The following PDZD2 variants were observed in gnomAD, a reference collection of about 807,000 sequenced individuals.
PDZD2 encodes the protein PDZ domain-containing protein 2.
Under a neutral mutation model 220.7 loss-of-function variants are expected in PDZD2, and 90 were observed. The observed-to-expected ratio is 0.41, with a 90% CI of 0.34 to 0.49. The LOEUF (loss-of-function observed/expected upper bound fraction) is 0.49, where lower values mean the gene tolerates loss of function less well. Ranked by LOEUF, PDZD2 falls within the 20% of genes least tolerant of loss-of-function variation. PDZD2 has a pLI of 0.28. For synonymous variants in PDZD2, 1,375 were observed against 1,450.5 expected (o/e 0.95, Z 1.18); for missense variants, 3,174 against 3,608.5 (o/e 0.88, Z 3.08).
At chr5:31,779,696 CAAA>C (rs1752948469) in intron 1 of PDZD2, among the ~76,000 whole-genome samples, 1 of 152,034 alleles carries the variant, frequency 6.6e-6, no homozygotes, top group South Asian at 2.1e-4. Context: ...CTCTTGAAGC[CAAA>C]AACAGAACCT....
chr5:31,787,847 TC>T (rs1481212588), intron 1 of PDZD2: 16 of 152,184 alleles, frequency 1.1e-4, no homozygotes, highest in African/African-American at 3.9e-4. Context: ...CATCCTATGC[TC>T]CCAAGTGCAC....
chr5:32,061,982 G>A (rs959680618), intron 14 of PDZD2, among the ~76,000 whole-genome samples: 3 of 152,096 alleles, frequency 2.0e-5, no homozygotes, highest in African/African-American at 7.2e-5. Flanking sequence ...GTGTTGCCCA[G>A]GCTATTCTCA....
intron 7 of PDZD2, among the ~76,000 whole-genome samples, chr5:32,041,984 G>A (rs1000821846): frequency 6.7e-6 from 1 of 149,692 alleles, no homozygotes; most frequent in Non-Finnish European, 1.5e-5. Flanking sequence ...GGGAGGCCGA[G>A]GTGGGCGGCT....
At chr5:32,024,703 A>AAAAAAAAAAGAAAG (rs1561378496) in intron 6 of PDZD2, among the ~76,000 whole-genome samples, 1 of 140,236 alleles carries the variant, frequency 7.1e-6, no homozygotes. Context: ...AGAAAGAAAA[A>AAAAAAAAAAGAAAG]AAAGAAAAGG....
chr5:31,683,379 C>T (rs1462900420), intron 1 of PDZD2, among the ~76,000 whole-genome samples: 1 of 152,016 alleles, frequency 6.6e-6, no homozygotes, highest in Admixed American at 6.6e-5. Context: ...TAAAAAAATA[C>T]ATTCCAAGAA....
intron 2 of PDZD2, chr5:31,847,730 A>G: frequency 6.7e-6 from 4 of 598,646 alleles, no homozygotes; most frequent in Admixed American, 5.5e-5. Context: ...ACTACCACTG[A>G]CAATACAGTT....
intron 2 of PDZD2, among the ~76,000 whole-genome samples, chr5:31,952,799 C>T (rs1394834850): frequency 6.6e-6 from 1 of 152,108 alleles, no homozygotes; most frequent in African/African-American, 2.4e-5. Context: ...GTGGCTCATG[C>T]CTGTAATCCC....
chr5:31,857,919 C>G (rs1277035365), intron 2 of PDZD2, among the ~76,000 whole-genome samples: 1 of 152,126 alleles, frequency 6.6e-6, no homozygotes. Flanking sequence ...CCCTGTCTCC[C>G]GGGTTCAAGT....
In PDZD2 at chr5:32,088,671, C is replaced by T. The variant is rs74814525; in HGVS notation, c.5223C>T (p.Asp1741=). The T allele has an allele frequency of 1.8e-5, 29 of 1,613,872 alleles. No individual in the cohort carries two copies. The highest frequency in any genetic ancestry group is 4.0e-5 in the African/African-American group (3 of 75,026). The change falls in exon 20 of 25, where the codon GAC becomes GAT. Residue 1741 remains aspartate, a synonymous_variant. Coordinates refer to ENST00000438447, the MANE Select transcript of PDZD2 (RefSeq NM_178140.4). This position sits in a 1 kb window ranked among gnomAD's most constrained non-coding sequence, Gnocchi z 4.6. Reference sequence around the variant, plus strand: ...GCTTGGAACATGACCTGCTAGATGACGAAACCCTGAATCAATACGAAACAA... The same window carrying T: ...GCTTGGAACATGACCTGCTAGATGATGAAACCCTGAATCAATACGAAACAA... ...VNGLEHDLLD[D]ETLNQYETSI... is the part of the protein sequence containing the mutation.
At chr5:32,073,591 G>A (rs970957336) in intron 17 of PDZD2, among the ~76,000 whole-genome samples, 1 of 146,782 alleles carries the variant, frequency 6.8e-6, no homozygotes, top group African/African-American at 2.5e-5. Flanking sequence ...CCAGAGGTTG[G>A]GGTTTAAGAA....
At chr5:31,694,288 AG>A (rs1407426181) in intron 1 of PDZD2, among the ~76,000 whole-genome samples, 1 of 152,174 alleles carries the variant, frequency 6.6e-6, no homozygotes, top group Admixed American at 6.5e-5. Context: ...GCTACTTGGG[AG>A]GCTGAGGTGG....
chr5:31,825,866 T>C (rs956700712), intron 2 of PDZD2, among the ~76,000 whole-genome samples: 5 of 152,192 alleles, frequency 3.3e-5, no homozygotes, highest in East Asian at 1.9e-4. Flanking sequence ...CATCCAGCAA[T>C]TGGAGATTGT....
chr5:31,759,800 C>CT (rs1392205220), intron 1 of PDZD2, among the ~76,000 whole-genome samples: 5 of 152,270 alleles, frequency 3.3e-5, no homozygotes, highest in Admixed American at 3.3e-4. Context: ...TCACCTCGGC[C>CT]TCCCAAAGCG....
At position 32,087,696 on chromosome 5, in the gene PDZD2, A is replaced by C. The variant is rs157497; in HGVS notation, c.4248A>C (p.Pro1416=). The C allele has an allele frequency of 6.2e-7, 1 of 1,613,778 alleles. No individual in the cohort carries two copies. The change falls in exon 20 of 25, where the codon CCA becomes CCC. Residue 1416 remains proline (P), a synonymous_variant. Coordinates refer to ENST00000438447, the MANE Select transcript of PDZD2 (RefSeq NM_178140.4). This position sits in a 1 kb window ranked among gnomAD's most constrained non-coding sequence, Gnocchi z 4.0. ...GCCATGTCTCGGGGCACTGCTGCCC[A>C]GGGGGGAGTAGAGAGAGCCCTGTGA... ...ACGHVSGHCC[P]GGSRESPVTD...
At chr5:31,894,608 C>A (rs1741369221) in intron 2 of PDZD2, among the ~76,000 whole-genome samples, 1 of 152,204 alleles carries the variant, frequency 6.6e-6, no homozygotes, top group Non-Finnish European at 1.5e-5. Flanking sequence ...TTCCAGACCC[C>A]TGTCCGCATG....
intron 23 of PDZD2, chr5:32,099,762 A>G (rs1390531114): frequency 6.6e-6 from 1 of 152,242 alleles, no homozygotes; most frequent in Non-Finnish European, 1.5e-5. Context: ...TTTATAATCA[A>G]TCACTCAGTA....
chr5:31,895,844 C>A (rs1741503410), intron 2 of PDZD2, among the ~76,000 whole-genome samples: 1 of 152,190 alleles, frequency 6.6e-6, no homozygotes, highest in Non-Finnish European at 1.5e-5. Flanking sequence ...TTTCCCCACC[C>A]TGCCTCTGTC....
Position 32,097,303 on chromosome 5 carries a change from G to C in PDZD2, c.7870G>C (p.Val2624Leu). 1 of 1,612,072 alleles carries C rather than the reference G, an allele frequency of 6.2e-7. No homozygotes were observed. ...SENEEDVCFI[V>L]LNRKEGSGLG... The stretch of plus-strand genomic sequence containing the variant: ...GAATGAAGAAGATGTTTGCTTCATA[G>C]TCTTGAATAGAAAAGAAGGCTCAGG... Residue 2624 changes from valine (V) to leucine (L), a missense_variant, in exon 22 of 25, where the codon GTC becomes CTC. Val to Leu is a conservative substitution (Grantham distance 32). Around this residue, in one of 4 missense-constraint regions of PDZD2, gnomAD observed 631 missense variants for 789.9 expected, o/e 0.80. Transcript: ENST00000438447.
chr5:32,005,421 A>G (rs1402372605), intron 5 of PDZD2, among the ~76,000 whole-genome samples: 2 of 151,982 alleles, frequency 1.3e-5, no homozygotes, highest in Non-Finnish European at 2.9e-5. Flanking sequence ...TATGCCTGGA[A>G]GCAACATATA....
Sources: allele counts gnomAD v4.1 joint callset (sites outside exome capture counted in the v4.1 genomes callset), GRCh38; gene constraint gnomAD v4.1.1; regional missense constraint gnomAD v4.1.1; non-coding constraint Gnocchi (gnomAD v3.1); transcripts MANE v1.5; gene names NCBI Gene and HGNC (gene_info 2026-07-23, HGNC 2026-07-21).